DLGAP2: variants seen among roughly 807,000 people sequenced by gnomAD.
The protein encoded by DLGAP2 is disks large-associated protein 2.
A neutral mutation model predicts 100.3 loss-of-function variants in DLGAP2; 26 were observed. The observed-to-expected ratio is 0.26, with a 90% CI of 0.19 to 0.36. DLGAP2 has a LOEUF of 0.36. Among genes scored for constraint, DLGAP2 ranks in the 10% least tolerant of loss-of-function variants. The pLI is 1.00. For missense variants in DLGAP2, 1,858 were observed against 1,453.2 expected, an observed-to-expected ratio of 1.28 and a Z score of -4.53; for synonymous variants, 886 against 630.1, an observed-to-expected ratio of 1.41 and a Z score of -6.08.
In DLGAP2 at chr8:1,113,713, G is replaced by C. The variant is rs145908546; in HGVS notation, c.74-145138G>C. The stretch of plus-strand genomic sequence containing the variant: ...TTTTTTCTATTGCCTGATTGCCCTG[G>C]CCAGAACTTCCAATACTATGTTGAA... On this transcript the variant is annotated intron_variant, in intron 2 of 14. Transcript: ENST00000637795. 5.7e-3 allele frequency among the ~76,000 whole-genome samples: 873 copies of C among 152,058 alleles called. 7 individuals are homozygous for C. The highest frequency in any genetic ancestry group is 0.02 in the African/African-American group (829 of 41,462).
At chr8:965,933 G>A (rs1799860046) in intron 2 of DLGAP2, among the ~76,000 whole-genome samples, 1 of 152,264 alleles carries the variant, frequency 6.6e-6, no homozygotes, top group Admixed American at 6.5e-5. Flanking sequence ...GTGGTGGCAA[G>A]GACAGCTACC....
chr8:977,665 C>T (rs140610526), intron 2 of DLGAP2, among the ~76,000 whole-genome samples: 20 of 152,266 alleles, frequency 1.3e-4, no homozygotes, highest in African/African-American at 4.3e-4. Flanking sequence ...ATAATTAGAA[C>T]ATTTTCCCTG....
At chr8:1,415,736 A>G (rs571607407) in intron 3 of DLGAP2, among the ~76,000 whole-genome samples, 3 of 152,278 alleles carry the variant, frequency 2.0e-5, no homozygotes, top group African/African-American at 2.4e-5. Flanking sequence ...GGTTGCTTCC[A>G]TGTTTTTGCT....
intron 4 of DLGAP2, among the ~76,000 whole-genome samples, chr8:1,542,011 GTGA>G (rs1208205232): frequency 6.6e-6 from 1 of 152,234 alleles, no homozygotes; most frequent in Admixed American, 6.5e-5. Flanking sequence ...GAGCCATATA[GTGA>G]TCAGAGCAAC....
chr8:1,464,515 C>T (rs1267002285), intron 3 of DLGAP2, among the ~76,000 whole-genome samples: 1 of 99,350 alleles, frequency 1.0e-5, no homozygotes, highest in Non-Finnish European at 2.1e-5. Context: ...CGGCACCCTT[C>T]CAGGAAAGCA....
intron 6 of DLGAP2, among the ~76,000 whole-genome samples, chr8:1,568,793 G>A (rs1268469974): frequency 3.2e-5 from 4 of 125,820 alleles, no homozygotes; most frequent in African/African-American, 9.5e-5. Flanking sequence ...GTCTCTGCCC[G>A]TGGCCCCCAT....
At chr8:795,524 T>C (rs1370033714) in intron 1 of DLGAP2, among the ~76,000 whole-genome samples, 1 of 152,242 alleles carries the variant, frequency 6.6e-6, no homozygotes, top group Non-Finnish European at 1.5e-5. Context: ...GACAGATGTG[T>C]GCAGTGTGCA....
At chr8:1,681,106 C>G (rs951914121) in intron 12 of DLGAP2, among the ~76,000 whole-genome samples, 19 of 152,114 alleles carry the variant, frequency 1.2e-4, no homozygotes, top group Admixed American at 1.2e-3. Context: ...CAGGGCTTAG[C>G]CCATAAAATG....
intron 3 of DLGAP2, among the ~76,000 whole-genome samples, chr8:1,382,740 T>A (rs1293261448): frequency 6.6e-6 from 1 of 152,102 alleles, no homozygotes; most frequent in African/African-American, 2.4e-5. Flanking sequence ...AGACCCTGTC[T>A]CAAAGGGGAA....
intron 2 of DLGAP2, among the ~76,000 whole-genome samples, chr8:1,092,661 C>A (rs971429420): frequency 2.0e-5 from 3 of 152,196 alleles, no homozygotes; most frequent in African/African-American, 4.8e-5. Flanking sequence ...ATTACAGTCA[C>A]ACTGTCTCGT....
chr8:1,175,763 C>A lies in DLGAP2; in HGVS notation c.74-83088C>A, dbSNP rs540781817. Among the ~76,000 whole-genome samples, 5 of 152,328 alleles carry A rather than the reference C, an allele frequency of 3.3e-5. No homozygotes were observed. In the South Asian group the frequency reaches 1.0e-3, roughly 32 times the overall value. ...AATGAATAACTAGATCTTTGTCATT[C>A]ACCCTATACCTCATCGGGAAAGTAA... On this transcript the variant is annotated intron_variant, in intron 2 of 14. Coordinates refer to ENST00000637795, the MANE Select transcript of DLGAP2 (RefSeq NM_001346810.2).
intron 3 of DLGAP2, among the ~76,000 whole-genome samples, chr8:1,378,267 C>T (rs531037856): frequency 2.4e-4 from 36 of 150,916 alleles, no homozygotes; most frequent in East Asian, 1.6e-3. Context: ...CACCTGACTT[C>T]GCCTGTCTGT....
At chr8:1,693,971 AGCCTAGGCAGGCACT>A (rs1799317416) in intron 13 of DLGAP2, among the ~76,000 whole-genome samples, 1 of 152,166 alleles carries the variant, frequency 6.6e-6, no homozygotes, top group South Asian at 2.1e-4. Context: ...GACTCGGGTG[AGCCTAGGCAGGCACT>A]GTCTTTAGGA....
intron 2 of DLGAP2, among the ~76,000 whole-genome samples, chr8:1,074,667 T>C (rs113139337): frequency 9.9e-5 from 15 of 152,146 alleles, no homozygotes; most frequent in African/African-American, 3.6e-4. Context: ...AGGTGGAAAA[T>C]GGACCTCGGT....
chr8:1,180,764 A>T (rs1210058248), intron 2 of DLGAP2, among the ~76,000 whole-genome samples: 1 of 150,958 alleles, frequency 6.6e-6, no homozygotes, highest in Non-Finnish European at 1.5e-5. Flanking sequence ...CCAGGGCAGT[A>T]CAGTTACTGT....
At chr8:1,699,987 G>A (rs1166308638) in intron 14 of DLGAP2, among the ~76,000 whole-genome samples, 1 of 152,194 alleles carries the variant, frequency 6.6e-6, no homozygotes, top group Non-Finnish European at 1.5e-5. Context: ...GGAATTACTT[G>A]TTAAAGTAGC....
chr8:892,722 A>G (rs913428371), intron 1 of DLGAP2, among the ~76,000 whole-genome samples: 22 of 152,154 alleles, frequency 1.4e-4, no homozygotes, highest in Non-Finnish European at 3.1e-4. Flanking sequence ...GGGAACCACC[A>G]GGCGGGGCAG....
chr8:1,441,310 C>G (rs1056130045), intron 3 of DLGAP2, among the ~76,000 whole-genome samples: 2 of 152,114 alleles, frequency 1.3e-5, no homozygotes, highest in Non-Finnish European at 2.9e-5. Flanking sequence ...TATGTCTGTG[C>G]TTCTTAAATA....
chr8:1,443,099 G>T (rs551596777), intron 3 of DLGAP2, among the ~76,000 whole-genome samples: 1 of 152,214 alleles, frequency 6.6e-6, no homozygotes, highest in Admixed American at 6.5e-5. Context: ...GCAAATACAT[G>T]GAAAGTATGT....
Sources: gnomAD v4.1 joint callset for allele counts (sites outside exome capture counted in the v4.1 genomes callset) on GRCh38, gnomAD v4.1.1 for gene constraint, MANE v1.5 for transcripts, NCBI Gene and HGNC (gene_info 2026-07-23, HGNC 2026-07-21) for gene names.